C11orf52: variants seen among roughly 807,000 people sequenced by gnomAD.
C11orf52 encodes uncharacterized protein C11orf52.
C11orf52 carries 9 observed loss-of-function variants against 11.7 expected under a neutral mutation model. That is an observed-to-expected ratio of 0.77 (90% CI 0.46 to 1.34). The LOEUF (loss-of-function observed/expected upper bound fraction) is 1.34, where lower values mean the gene tolerates loss of function less well. C11orf52 is among the 40% of genes most tolerant of loss of function. C11orf52 has a pLI of 0.00. For missense variants in C11orf52, 139 were observed against 154.8 expected (o/e 0.90, Z 0.54); for synonymous variants, 49 against 57.4 (o/e 0.85, Z 0.66).
At chr11:111,924,226 A>G in intron 1 of C11orf52, 100 bp from the exon 2 acceptor site, 2 of 1,113,530 alleles carry the variant, frequency 1.8e-6, no homozygotes, top group South Asian at 1.4e-5. Flanking sequence ...AGGTAGGGGA[A>G]GCTCATCAGA....
At chr11:111,919,361 T>TA (rs1292330119) in intron 1 of C11orf52, 3 of 207,382 alleles carry the variant, frequency 1.4e-5, no homozygotes, top group Non-Finnish European at 3.0e-5. Flanking sequence ...TAGTCCCAGC[T>TA]ACTCGGGAGG....
chr11:111,926,007 A>C lies in C11orf52; in HGVS notation c.180A>C (p.Gln60His). The C allele has an allele frequency of 6.2e-7, 1 of 1,614,268 alleles. No homozygotes were observed. Among genetic ancestry groups the C allele is most frequent in the Non-Finnish European group, 8.5e-7 (1 of 1,180,042 alleles). Residue 60 changes from glutamine (Q) to histidine (H), a missense_variant, in exon 4 of 4, where the codon CAA (glutamine) becomes CAC (histidine). Physicochemically the swap from Gln to His is conservative, Grantham distance 24. Transcript: ENST00000278601. ...GHTYERVLQQ[Q>H]GSQERSPGLM... ...CGTATGAACGGGTGTTACAGCAGCA[A>C]GGGTCTCAAGAGAGGAGTCCAGGCC...
At chr11:111,919,320 A>T (rs1257109365) in intron 1 of C11orf52, 4 of 294,818 alleles carry the variant, frequency 1.4e-5, no homozygotes, top group Non-Finnish European at 2.6e-5. Flanking sequence ...TGAAAATACA[A>T]AAATTAGCTG....
intron 2 of C11orf52, 26 bp from the exon 3 acceptor site, chr11:111,925,627 A>G: frequency 6.2e-7 from 1 of 1,611,800 alleles, no homozygotes; most frequent in Non-Finnish European, 8.5e-7. Flanking sequence ...GAGAGAATAA[A>G]CTTAAGTTGG....
chr11:111,919,120 C>A (rs1965645486), intron 1 of C11orf52, 116 bp downstream of exon 1: 4 of 1,135,858 alleles, frequency 3.5e-6, no homozygotes, highest in Non-Finnish European at 5.2e-6. Context: ...CCACCTTCCT[C>A]TGCCTGGTAC....
In C11orf52 at chr11:111,926,297, C is replaced by T; in HGVS notation, c.*98C>T. 3 of 1,542,990 alleles carry T rather than the reference C, an allele frequency of 1.9e-6. No homozygotes were observed. In the Admixed American group the frequency reaches 5.5e-5, roughly 28 times the overall value. ...TGGGTGGCAACCCAGGGATGTTGTCCACGTTTTAAGCTTAAAGAACTCCAA... is the reference window on the plus strand; with the variant it reads ...TGGGTGGCAACCCAGGGATGTTGTCTACGTTTTAAGCTTAAAGAACTCCAA... On this transcript the variant is annotated 3_prime_UTR_variant, in exon 4 of 4. Coordinates refer to ENST00000278601, the MANE Select transcript of C11orf52 (RefSeq NM_080659.3).
intron 1 of C11orf52, among the ~76,000 whole-genome samples, chr11:111,920,381 C>CA (rs1369925546): frequency 6.7e-6 from 1 of 149,696 alleles, no homozygotes; most frequent in Non-Finnish European, 1.5e-5. Context: ...ACTAAAAATA[C>CA]AAAAAAATTA....
At chr11:111,925,129 A>G (rs2137404912) in intron 2 of C11orf52, among the ~76,000 whole-genome samples, 1 of 152,238 alleles carries the variant, frequency 6.6e-6, no homozygotes, top group South Asian at 2.1e-4. Context: ...CTCTAAATAA[A>G]TAAATAAAAG....
At chr11:111,921,895 C>G (rs1217789899) in intron 1 of C11orf52, among the ~76,000 whole-genome samples, 1 of 151,836 alleles carries the variant, frequency 6.6e-6, no homozygotes, top group Non-Finnish European at 1.5e-5. Flanking sequence ...TGCAGTGGCA[C>G]AATCTTGGCT....
intron 1 of C11orf52, among the ~76,000 whole-genome samples, chr11:111,921,815 G>T (rs892204242): frequency 2.0e-5 from 3 of 151,700 alleles, no homozygotes; most frequent in African/African-American, 7.2e-5. Flanking sequence ...ATCCCATGAG[G>T]TCTGAATTAT....
intron 1 of C11orf52, among the ~76,000 whole-genome samples, chr11:111,922,006 T>C (rs1965708717): frequency 6.6e-6 from 1 of 152,246 alleles, no homozygotes; most frequent in South Asian, 2.1e-4. Context: ...CTAATTTTTG[T>C]ATTTTTAGCA....
chr11:111,920,500 T>C (rs1321849287), intron 1 of C11orf52, among the ~76,000 whole-genome samples: 2 of 151,342 alleles, frequency 1.3e-5, no homozygotes, highest in African/African-American at 4.9e-5. Flanking sequence ...ATTGCGCCAC[T>C]GCAGTCCAGA....
intron 2 of C11orf52, among the ~76,000 whole-genome samples, chr11:111,924,819 T>C (rs1965760080): frequency 2.0e-5 from 3 of 152,102 alleles, no homozygotes; most frequent in Non-Finnish European, 2.9e-5. Flanking sequence ...GATGTCGAAA[T>C]GTCAAAGAAA....
chr11:111,926,265 G>T lies in C11orf52; in HGVS notation c.*66G>T. The T allele has an allele frequency of 6.3e-7, 1 of 1,587,990 alleles. No homozygotes were observed. Among genetic ancestry groups the T allele is most frequent in the South Asian group, 1.1e-5 (1 of 88,970 alleles). Reference sequence around the variant, plus strand: ...CCTGTGGGGGAGAACCTACTGCTTTGGGGAATTGGGTGGCAACCCAGGGAT... The same window carrying T: ...CCTGTGGGGGAGAACCTACTGCTTTTGGGAATTGGGTGGCAACCCAGGGAT... On this transcript the variant is annotated 3_prime_UTR_variant, in exon 4 of 4. Transcript: ENST00000278601.
At chr11:111,920,234 ATAAAT>A (rs1405045334) in intron 1 of C11orf52, among the ~76,000 whole-genome samples, 3 of 151,812 alleles carry the variant, frequency 2.0e-5, no homozygotes, top group Non-Finnish European at 2.9e-5. Context: ...ATAAAATAAA[ATAAAT>A]TAAAGGGCAG....
chr11:111,925,534 T>C (rs1965780648), intron 2 of C11orf52, 119 bp from the exon 3 acceptor site: 3 of 985,926 alleles, frequency 3.0e-6, no homozygotes, highest in Admixed American at 4.3e-5. Context: ...GAAGTGAGAA[T>C]GGAGGCAGGG....
At chr11:111,924,589 C>T (rs1555166777) in intron 2 of C11orf52, among the ~76,000 whole-genome samples, 1 of 152,172 alleles carries the variant, frequency 6.6e-6, no homozygotes, top group African/African-American at 2.4e-5. Flanking sequence ...TTCTTTCATT[C>T]ATCTAGCAAA....
In C11orf52 at chr11:111,926,012, C is replaced by T; in HGVS notation, c.185C>T (p.Ser62Phe). The T allele has an allele frequency of 6.2e-7, 1 of 1,614,250 alleles. No individual in the cohort carries two copies. Among genetic ancestry groups the T allele is most frequent in the South Asian group, 1.1e-5 (1 of 91,080 alleles). Residue 62 changes from serine (S) to phenylalanine (F), a missense_variant, in exon 4 of 4, where the codon TCT (serine) becomes TTT (phenylalanine). Physicochemically the swap from Ser to Phe is radical, Grantham distance 155. Coordinates refer to ENST00000278601, the MANE Select transcript of C11orf52 (RefSeq NM_080659.3). Reference protein sequence around the residue: ...TYERVLQQQGSQERSPGLMSE... With the variant: ...TYERVLQQQGFQERSPGLMSE... ...GAACGGGTGTTACAGCAGCAAGGGTCTCAAGAGAGGAGTCCAGGCCTCATG... is the reference window on the plus strand; with the variant it reads ...GAACGGGTGTTACAGCAGCAAGGGTTTCAAGAGAGGAGTCCAGGCCTCATG...
chr11:111,921,478 A>G (rs1003261138), intron 1 of C11orf52, among the ~76,000 whole-genome samples: 3 of 152,214 alleles, frequency 2.0e-5, no homozygotes, highest in Admixed American at 2.0e-4. Context: ...TTAAGTTAGT[A>G]AAAAAGGCCC....
Sources: allele counts gnomAD v4.1 joint callset (sites outside exome capture counted in the v4.1 genomes callset), GRCh38; gene constraint gnomAD v4.1.1; transcripts MANE v1.5; gene names NCBI Gene and HGNC (gene_info 2026-07-23, HGNC 2026-07-21).